Variants in DCAF6 observed in about 807,000 individuals in gnomAD.
DCAF6 encodes the protein DDB1- and CUL4-associated factor 6.
In DCAF6, 54 loss-of-function variants were observed where a neutral mutation model predicts 125.1. The ratio of observed to expected loss-of-function variants is 0.43; its 90% CI spans 0.35 to 0.54. The LOEUF (loss-of-function observed/expected upper bound fraction) is 0.54. Among genes scored for constraint, DCAF6 ranks in the 20% least tolerant of loss-of-function variants. The pLI is 0.01. For synonymous variants in DCAF6, 371 were observed against 390.4 expected (o/e 0.95, Z 0.58); for missense variants, 934 against 1,161.7 (o/e 0.80, Z 2.85).
chr1:167,999,629 G>T (rs563152880), intron 7 of DCAF6, among the ~76,000 whole-genome samples: 13 of 152,276 alleles, frequency 8.5e-5, no homozygotes, highest in African/African-American at 3.1e-4. Context: ...TTATGTTACA[G>T]AAAGACAGCT....
chr1:168,001,130 A>G (rs1682549215), intron 7 of DCAF6, among the ~76,000 whole-genome samples: 2 of 152,060 alleles, frequency 1.3e-5, no homozygotes, highest in African/African-American at 4.8e-5. Context: ...GCTAGACTCC[A>G]TCTCTAAAAA....
chr1:167,963,605 T>A (rs530181165), intron 2 of DCAF6, among the ~76,000 whole-genome samples: 1 of 151,990 alleles, frequency 6.6e-6, no homozygotes, highest in Non-Finnish European at 1.5e-5. Context: ...AATTTTTGTG[T>A]TTTAGTAGAG....
chr1:167,866,771 G>C, the DCAF6 span, among the ~76,000 whole-genome samples: 123 of 144,314 alleles, frequency 8.5e-4, no homozygotes, highest in Non-Finnish European at 1.2e-3. Context: ...AAAAAAGAAT[G>C]GTTATCTTCA....
Position 167,936,825 on chromosome 1 carries a change from C to G in DCAF6, c.-87C>G. ...GCCCGGCGCGCGGATGGTGCCGGTG[C>G]GGCTCGGGTGTTGAAACGGGTGTCC... On this transcript the variant is annotated 5_prime_UTR_variant, in exon 1 of 22. Transcript: ENST00000367840. 8.2e-7 allele frequency: 1 copy of G among 1,218,946 alleles called. No individual in the cohort carries two copies. The highest frequency in any genetic ancestry group is 1.2e-6 in the Non-Finnish European group (1 of 855,224). 75.5% of individuals were successfully genotyped at this position (1,218,946 alleles called of 1,614,324 possible).
upstream of DCAF6, chr1:167,935,833 G>T (rs753043678): frequency 2.6e-5 from 41 of 1,550,994 alleles, no homozygotes; most frequent in African/African-American, 2.9e-4. Context: ...GGGCACCGGC[G>T]GCCGACATCG....
chr1:168,054,134 T>TA (rs1254104353), intron 17 of DCAF6, among the ~76,000 whole-genome samples: 1 of 152,242 alleles, frequency 6.6e-6, no homozygotes, highest in Non-Finnish European at 1.5e-5. Flanking sequence ...TAAAGCTAGA[T>TA]AACGCTAACA....
At chr1:167,888,075 A>G in the DCAF6 span, among the ~76,000 whole-genome samples, 6 of 152,220 alleles carry the variant, frequency 3.9e-5, no homozygotes, top group Non-Finnish European at 8.8e-5. Flanking sequence ...TTTGTCAAAA[A>G]TTAGTTCACT....
At chr1:168,024,921 A>G (rs532847695) in intron 12 of DCAF6, among the ~76,000 whole-genome samples, 26 of 152,300 alleles carry the variant, frequency 1.7e-4, no homozygotes, top group African/African-American at 6.0e-4. Flanking sequence ...GTTCTTGAGA[A>G]AGAAAGAATG....
chr1:167,992,618 A>G (rs540722196), intron 6 of DCAF6, among the ~76,000 whole-genome samples: 4 of 152,340 alleles, frequency 2.6e-5, no homozygotes, highest in African/African-American at 9.6e-5. Context: ...GCAAGGTTAT[A>G]CAGCTTTGTG....
intron 17 of DCAF6, among the ~76,000 whole-genome samples, chr1:168,052,666 G>T (rs777726521): frequency 6.6e-5 from 10 of 152,178 alleles, no homozygotes; most frequent in Admixed American, 1.3e-4. Context: ...GTTATGACTA[G>T]TCTTCATTAG....
rs79747918 is a variant in DCAF6 at position 168,044,473 on chromosome 1, A to G, written c.1844-112A>G. On this transcript the variant is annotated intron_variant, in intron 14 of 21. Coordinates refer to ENST00000367840, the MANE Select transcript of DCAF6 (RefSeq NM_001198956.2). ...TATGCATAGGTTATATGCAAATATT[A>G]TGCCATTATATATGAGGGACTTGAG... The G allele has an allele frequency of 3.6e-3, 2,576 of 719,706 alleles. 53 individuals carry two copies. In the African/African-American group the frequency reaches 0.04, roughly 11 times the overall value. 44.6% of individuals were successfully genotyped at this position (719,706 alleles called of 1,614,324 possible). A position where few individuals can be genotyped will look rare whatever the true frequency, so the allele number is the denominator to read the frequency against.
In DCAF6 at chr1:168,017,327, C is replaced by T. The variant is rs146206970; in HGVS notation, c.1549+1376C>T. ...TAGAAAGAAAAATAAAATGTCCCTA[C>T]GTATATAATTATTTTTAAAATACTA... is the stretch of plus-strand genomic sequence containing the variant. On this transcript the variant is annotated intron_variant, in intron 11 of 21. Transcript: ENST00000367840. 5.8e-3 allele frequency among the ~76,000 whole-genome samples: 871 copies of T among 151,456 alleles called. 18 individuals carry two copies. The highest frequency in any genetic ancestry group is 0.038 in the East Asian group (198 of 5,170).
the DCAF6 span, among the ~76,000 whole-genome samples, chr1:167,892,332 TG>T: frequency 6.6e-6 from 1 of 152,248 alleles, no homozygotes; most frequent in Non-Finnish European, 1.5e-5. Context: ...TTCTGAGTTT[TG>T]GCTTGGAAAA....
chr1:168,004,922 T>C, intron 10 of DCAF6, 129 bp downstream of exon 10: 1 of 1,054,494 alleles, frequency 9.5e-7, no homozygotes, highest in Admixed American at 3.1e-5. Flanking sequence ...ACATGTAATA[T>C]ATGGTTATGT....
chr1:167,968,038 C>G (rs1053680730), intron 3 of DCAF6, among the ~76,000 whole-genome samples: 2 of 152,010 alleles, frequency 1.3e-5, no homozygotes, highest in Admixed American at 6.6e-5. Context: ...GCCCAAATTT[C>G]TTGTATCTTT....
intron 1 of DCAF6, among the ~76,000 whole-genome samples, chr1:167,945,630 T>C (rs1190086425): frequency 6.6e-6 from 1 of 152,176 alleles, no homozygotes; most frequent in Non-Finnish European, 1.5e-5. Flanking sequence ...TAGCTGGGAC[T>C]ACAAGTGCGC....
At chr1:167,873,607 C>T in the DCAF6 span, among the ~76,000 whole-genome samples, 4 of 152,058 alleles carry the variant, frequency 2.6e-5, no homozygotes, top group Non-Finnish European at 5.9e-5. Flanking sequence ...TAGGTATATC[C>T]CTTCCTCATT....
chr1:167,993,533 T>G (rs1681179880), intron 7 of DCAF6, 93 bp downstream of exon 7: 3 of 1,019,016 alleles, frequency 2.9e-6, no homozygotes, highest in East Asian at 4.9e-5. Flanking sequence ...GTGGATCACC[T>G]GCGGTTGGGA....
the DCAF6 span, among the ~76,000 whole-genome samples, chr1:167,882,133 C>G: frequency 1.3e-5 from 2 of 152,220 alleles, no homozygotes; most frequent in Non-Finnish European, 2.9e-5. Flanking sequence ...GAAATCAATT[C>G]TCACATATGC....
Sources: gnomAD v4.1 joint callset for allele counts (sites outside exome capture counted in the v4.1 genomes callset) on GRCh38, gnomAD v4.1.1 for gene constraint, MANE v1.5 for transcripts, NCBI Gene and HGNC (gene_info 2026-07-23, HGNC 2026-07-21) for gene names.